Variants in ZCWPW2 observed in about 807,000 individuals in gnomAD.
The protein encoded by ZCWPW2 is zinc finger CW-type and PWWP domain containing 2, also known as zinc finger CW-type PWWP domain protein 2.
ZCWPW2 carries 45 observed loss-of-function variants against 46.6 expected under a neutral mutation model. That is an observed-to-expected ratio of 0.96 (90% confidence interval 0.76 to 1.24). The LOEUF (loss-of-function observed/expected upper bound fraction) is 1.24. Ranked by LOEUF, ZCWPW2 falls within the 50% of genes most tolerant of loss-of-function variation. ZCWPW2 has a pLI of 0.00. For synonymous variants in ZCWPW2, 152 were observed against 137.1 expected (o/e 1.11, Z -0.76); for missense variants, 429 against 403.9 (o/e 1.06, Z -0.53).
intron 2 of ZCWPW2, among the ~76,000 whole-genome samples, chr3:28,405,229 TC>T (rs1278465854): frequency 6.6e-6 from 1 of 152,156 alleles, no homozygotes; most frequent in African/African-American, 2.4e-5. Context: ...AATGTCTGTG[TC>T]CCCTGAAATT....
At chr3:28,453,835 TTA>T (rs1383749944) in intron 4 of ZCWPW2, among the ~76,000 whole-genome samples, 3 of 140,158 alleles carry the variant, frequency 2.1e-5, no homozygotes, top group African/African-American at 8.9e-5. Flanking sequence ...TTATTTATTT[TTA>T]TTTTTTTTAT....
intron 2 of ZCWPW2, among the ~76,000 whole-genome samples, chr3:28,410,553 T>C: frequency 6.6e-6 from 1 of 151,858 alleles, no homozygotes. Flanking sequence ...AAATCAATAA[T>C]AAAATCTCTT....
At chr3:28,516,836 A>C (rs1700586126) in intron 8 of ZCWPW2, among the ~76,000 whole-genome samples, 1 of 150,112 alleles carries the variant, frequency 6.7e-6, no homozygotes, top group African/African-American at 2.5e-5. Context: ...GTGAGACCTC[A>C]TCTCTACTAA....
intron 2 of ZCWPW2, among the ~76,000 whole-genome samples, chr3:28,411,060 CCAGA>C (rs1330041340): frequency 6.6e-5 from 10 of 151,616 alleles, no homozygotes; most frequent in Admixed American, 3.3e-4. Context: ...GATATGAAAA[CCAGA>C]CAAAGACAAA....
chr3:28,376,948 G>A (rs1007391321), intron 1 of ZCWPW2, among the ~76,000 whole-genome samples: 7 of 152,026 alleles, frequency 4.6e-5, no homozygotes, highest in Non-Finnish European at 1.0e-4. Flanking sequence ...TTTAAGCATA[G>A]GCATGATTTT....
At chr3:28,425,961 T>C (rs1335044832) in intron 3 of ZCWPW2, among the ~76,000 whole-genome samples, 1 of 151,898 alleles carries the variant, frequency 6.6e-6, no homozygotes, top group Non-Finnish European at 1.5e-5. Context: ...ATTTCAAAAT[T>C]AGCTGGGCGT....
chr3:28,508,240 C>T (rs1700332019), intron 6 of ZCWPW2, among the ~76,000 whole-genome samples: 1 of 152,116 alleles, frequency 6.6e-6, no homozygotes, highest in Admixed American at 6.6e-5. Context: ...CATTAGGCCC[C>T]ACATCCAACA....
At chr3:28,522,841 A>G (rs1240365957) in intron 9 of ZCWPW2, among the ~76,000 whole-genome samples, 4 of 152,144 alleles carry the variant, frequency 2.6e-5, no homozygotes, top group African/African-American at 7.2e-5. Flanking sequence ...CATACATCCT[A>G]TATACGTATA....
At chr3:28,413,701 T>TC (rs1696505293) in intron 3 of ZCWPW2, among the ~76,000 whole-genome samples, 1 of 152,118 alleles carries the variant, frequency 6.6e-6, no homozygotes, top group African/African-American at 2.4e-5. Flanking sequence ...CATTTTGAAA[T>TC]ATTTACTGAT....
At chr3:28,358,315 A>G (rs1037572002) in intron 1 of ZCWPW2, among the ~76,000 whole-genome samples, 1 of 152,106 alleles carries the variant, frequency 6.6e-6, no homozygotes, top group African/African-American at 2.4e-5. Context: ...CTCTTTCTCC[A>G]CCAGCTCTTA....
chr3:28,489,585 T>C (rs1486457255), intron 5 of ZCWPW2, among the ~76,000 whole-genome samples: 1 of 152,018 alleles, frequency 6.6e-6, no homozygotes, highest in Non-Finnish European at 1.5e-5. Context: ...TAGTGAAATA[T>C]ATAATCACTA....
In ZCWPW2 at chr3:28,492,311, G is replaced by T. The variant is rs574163681; in HGVS notation, c.657+138G>T. The T allele has an allele frequency of 9.8e-6, 7 of 716,638 alleles. No individual in the cohort carries two copies. In the African/African-American group the frequency reaches 1.3e-4, roughly 13 times the overall value. The allele number at this position is 716,638 out of a possible 1,614,324, so 44.4% of individuals were successfully genotyped here. ...TCTTCTGAATGTTACTTTAGTATAT[G>T]TTTCCTTTCTTAGGTTAATACTAGG... On this transcript the variant is annotated intron_variant, in intron 6 of 9. Transcript: ENST00000383768.
intron 4 of ZCWPW2, among the ~76,000 whole-genome samples, chr3:28,468,508 G>T (rs1698913098): frequency 6.6e-6 from 1 of 152,052 alleles, no homozygotes; most frequent in Non-Finnish European, 1.5e-5. Context: ...GACTACTTCA[G>T]GGCATTTAAT....
At chr3:28,470,853 C>A (rs1032234760) in intron 4 of ZCWPW2, among the ~76,000 whole-genome samples, 2 of 151,484 alleles carry the variant, frequency 1.3e-5, no homozygotes, top group East Asian at 1.9e-4. Context: ...AATTGACAAA[C>A]CTTTAGCCAG....
chr3:28,411,394 T>C (rs909631254), intron 2 of ZCWPW2, among the ~76,000 whole-genome samples: 3 of 151,856 alleles, frequency 2.0e-5, no homozygotes, highest in African/African-American at 7.2e-5. Flanking sequence ...CAACTTTCTG[T>C]AGCCTTTTAA....
chr3:28,379,272 G>T (rs914864293), intron 1 of ZCWPW2, among the ~76,000 whole-genome samples: 6 of 152,110 alleles, frequency 3.9e-5, no homozygotes, highest in African/African-American at 1.4e-4. Flanking sequence ...AAAGCCAGAG[G>T]AAAATTTATC....
At chr3:28,509,751 T>C (rs899140160) in intron 6 of ZCWPW2, among the ~76,000 whole-genome samples, 1 of 152,200 alleles carries the variant, frequency 6.6e-6, no homozygotes, top group African/African-American at 2.4e-5. Flanking sequence ...GATTTGAAAA[T>C]ATTTTTTTCT....
chr3:28,374,815 T>G (rs1477308842), intron 1 of ZCWPW2, among the ~76,000 whole-genome samples: 1 of 152,114 alleles, frequency 6.6e-6, no homozygotes, highest in East Asian at 1.9e-4. Flanking sequence ...GATTTTTGTA[T>G]GTTGATTTTG....
chr3:28,392,111 T>C (rs1430922668), intron 2 of ZCWPW2, among the ~76,000 whole-genome samples: 1 of 152,068 alleles, frequency 6.6e-6, no homozygotes, highest in African/African-American at 2.4e-5. Flanking sequence ...TAAGGACATA[T>C]AGACTGAAAG....
Sources: allele counts gnomAD v4.1 joint callset (sites outside exome capture counted in the v4.1 genomes callset), GRCh38; gene constraint gnomAD v4.1.1; transcripts MANE v1.5; gene names NCBI Gene and HGNC (gene_info 2026-07-23, HGNC 2026-07-21).